Variants in NPAS2 observed in about 807,000 individuals in gnomAD.
NPAS2 encodes neuronal PAS domain-containing protein 2.
A neutral mutation model predicts 107.5 loss-of-function variants in NPAS2; 23 were observed. That is an observed-to-expected ratio of 0.21 (90% CI 0.15 to 0.30). NPAS2 has a LOEUF of 0.30. Ranked by LOEUF, NPAS2 falls within the 10% of genes least tolerant of loss-of-function variation. The pLI, the probability that NPAS2 is intolerant of heterozygous loss-of-function variation, is 1.00. For synonymous variants in NPAS2, 403 were observed against 417.5 expected (o/e 0.97, Z 0.42); for missense variants, 756 against 1,043.3 (o/e 0.72, Z 3.79).
intron 2 of NPAS2, among the ~76,000 whole-genome samples, chr2:100,921,321 G>A (rs1177868086): frequency 6.6e-6 from 1 of 152,194 alleles, no homozygotes; most frequent in African/African-American, 2.4e-5. Flanking sequence ...GAGAATTGAA[G>A]GAATGAATGG....
intron 8 of NPAS2, 128 bp from the exon 9 acceptor site, chr2:100,964,733 A>C: frequency 1.6e-6 from 1 of 633,698 alleles, no homozygotes; most frequent in East Asian, 3.1e-5. Context: ...GTTTCAGTCC[A>C]ACACGACTTG....
intron 4 of NPAS2, among the ~76,000 whole-genome samples, chr2:100,936,632 T>C (rs1684317893): frequency 6.6e-6 from 1 of 152,144 alleles, no homozygotes; most frequent in Non-Finnish European, 1.5e-5. Context: ...CAGATACATA[T>C]TGTGAAAGCA....
intron 5 of NPAS2, among the ~76,000 whole-genome samples, chr2:100,941,141 A>G (rs1674548304): frequency 6.6e-6 from 1 of 152,254 alleles, no homozygotes; most frequent in South Asian, 2.1e-4. Flanking sequence ...CACTGCCAAC[A>G]TCTCAGATGT....
chr2:100,907,246 G>C (rs1242390800), intron 2 of NPAS2, among the ~76,000 whole-genome samples: 1 of 152,036 alleles, frequency 6.6e-6, no homozygotes, highest in Admixed American at 6.6e-5. Context: ...TGGGCTAAAA[G>C]TTCCTAGAAA....
chr2:100,894,564 GGTCA>G lies in NPAS2; in HGVS notation c.-22-10162_-22-10159del, dbSNP rs373947870. Among the ~76,000 whole-genome samples, 834 of 152,194 alleles carry G rather than the reference GGTCA, an allele frequency of 5.5e-3. 4 individuals carry two copies. Among genetic ancestry groups the G allele is most frequent in the African/African-American group, 0.019 (778 of 41,512 alleles). Reference sequence around the variant, plus strand: ...GCACACAGGCTCAAGCCACTCCACAGGTCAGTCAGTGTTGCAAACCATGCATAAT... The same window carrying G: ...GCACACAGGCTCAAGCCACTCCACAGGTCAGTGTTGCAAACCATGCATAAT... On this transcript the variant is annotated intron_variant, in intron 1 of 20. Transcript: ENST00000335681.
chr2:100,908,506 T>G (rs1034410079), intron 2 of NPAS2, among the ~76,000 whole-genome samples: 3 of 152,180 alleles, frequency 2.0e-5, no homozygotes, highest in Non-Finnish European at 2.9e-5. Flanking sequence ...TAACAGCGTC[T>G]GTGACATTCA....
chr2:100,846,680 A>G (rs899685394), intron 1 of NPAS2, among the ~76,000 whole-genome samples: 1 of 152,256 alleles, frequency 6.6e-6, no homozygotes, highest in Admixed American at 6.5e-5. Context: ...TAAAAATGTC[A>G]TATTAGTTGG....
intron 1 of NPAS2, chr2:100,821,040 G>A (rs942835164): frequency 7.7e-7 from 1 of 1,303,900 alleles, no homozygotes; most frequent in African/African-American, 1.5e-5. Context: ...TATGCGTATG[G>A]TTTTGTTGGG....
At chr2:100,986,406 A>G (rs1452723428) in intron 16 of NPAS2, 1 of 152,286 alleles carries the variant, frequency 6.6e-6, no homozygotes, top group Non-Finnish European at 1.5e-5. Flanking sequence ...GACACTCAGC[A>G]GATGTCAGCC....
At position 100,990,240 on chromosome 2, in the gene NPAS2, T is replaced by C; in HGVS notation, c.1828-16T>C. 1 of 1,612,474 alleles carries C rather than the reference T, an allele frequency of 6.2e-7. No individual in the cohort carries two copies. Among genetic ancestry groups the C allele is most frequent in the South Asian group, 1.1e-5 (1 of 90,996 alleles). On this transcript the variant is annotated splice_polypyrimidine_tract_variant and intron_variant, in intron 17 of 20. Transcript: ENST00000335681. ...TGAGTCCAAGTCTTACCTTTCTCATTGAAATGATGCTCCAGGGTCCAAAGC... is the reference window on the plus strand; with the variant it reads ...TGAGTCCAAGTCTTACCTTTCTCATCGAAATGATGCTCCAGGGTCCAAAGC...
At chr2:100,881,187 C>T (rs559473987) in intron 1 of NPAS2, among the ~76,000 whole-genome samples, 67 of 152,360 alleles carry the variant, frequency 4.4e-4, no homozygotes, top group African/African-American at 1.4e-3. Flanking sequence ...CATCCTACCT[C>T]GGCCCCAACA....
At chr2:100,864,605 A>G (rs556430583) in intron 1 of NPAS2, among the ~76,000 whole-genome samples, 54 of 152,342 alleles carry the variant, frequency 3.5e-4, no homozygotes, top group South Asian at 2.1e-3. Context: ...AGTCTTTTAT[A>G]TTGCTTGAAC....
At chr2:100,900,267 A>G (rs979692430) in intron 1 of NPAS2, among the ~76,000 whole-genome samples, 1 of 152,136 alleles carries the variant, frequency 6.6e-6, no homozygotes, top group Non-Finnish European at 1.5e-5. Flanking sequence ...TAACAGTCCA[A>G]TTTTTTTAAG....
chr2:100,927,271 G>A (rs1270631138), intron 3 of NPAS2, among the ~76,000 whole-genome samples: 1 of 152,132 alleles, frequency 6.6e-6, no homozygotes, highest in Non-Finnish European at 1.5e-5. Flanking sequence ...GTTAAGCATA[G>A]ATATTTGATC....
intron 1 of NPAS2, among the ~76,000 whole-genome samples, chr2:100,870,692 T>G (rs531697215): frequency 1.3e-5 from 2 of 152,318 alleles, no homozygotes; most frequent in Non-Finnish European, 2.9e-5. Flanking sequence ...ACTCCCAGCC[T>G]TCTCTGCTTA....
chr2:100,820,992 C>A lies in NPAS2; in HGVS notation c.-23+578C>A, dbSNP rs1308502808. 3 of 1,263,450 alleles carry A rather than the reference C, an allele frequency of 2.4e-6. No individual in the cohort carries two copies. The highest frequency in any genetic ancestry group is 3.1e-6 in the Non-Finnish European group (3 of 964,116). The allele number at this position is 1,263,450 out of a possible 1,614,324, so 78.3% of individuals were successfully genotyped here. ...AGCCTGGCTCCTCACGTCGCTGCCG[C>A]CCCCCCACCCCAACTCCGGAGCTCC... On this transcript the variant is annotated intron_variant, in intron 1 of 20. Coordinates refer to ENST00000335681, the MANE Select transcript of NPAS2 (RefSeq NM_002518.4). This position sits in a 1 kb window ranked among gnomAD's most constrained non-coding sequence, Gnocchi z 5.6.
At chr2:100,916,561 C>T (rs1175820453) in intron 2 of NPAS2, among the ~76,000 whole-genome samples, 2 of 152,032 alleles carry the variant, frequency 1.3e-5, no homozygotes, top group African/African-American at 2.4e-5. Flanking sequence ...GATAATAGCT[C>T]TAATATGTAT....
intron 4 of NPAS2, chr2:100,934,256 G>C (rs1684163959): frequency 6.6e-6 from 1 of 151,470 alleles, no homozygotes; most frequent in South Asian, 2.1e-4. Context: ...TTATGGAAAA[G>C]TAGTTAAAAC....
At chr2:100,919,573 C>A (rs1329247189) in intron 2 of NPAS2, among the ~76,000 whole-genome samples, 2 of 152,130 alleles carry the variant, frequency 1.3e-5, no homozygotes, top group African/African-American at 4.8e-5. Flanking sequence ...ACTCACTTCC[C>A]CTTTAAGTTG....
Sources: gnomAD v4.1 joint callset for allele counts (sites outside exome capture counted in the v4.1 genomes callset) on GRCh38, gnomAD v4.1.1 for gene constraint, Gnocchi (gnomAD v3.1) non-coding constraint, MANE v1.5 for transcripts, NCBI Gene and HGNC (gene_info 2026-07-23, HGNC 2026-07-21) for gene names.